Variants in ABCC6 observed in about 807,000 individuals in gnomAD.
ABCC6 encodes the protein ATP binding cassette subfamily C member 6.
ABCC6 carries 126 observed loss-of-function variants against 169.5 expected under a neutral mutation model. The observed-to-expected ratio is 0.74, with a 90% CI of 0.64 to 0.86. The LOEUF is 0.86. Ranked by LOEUF, ABCC6 falls within the 40% of genes least tolerant of loss-of-function variation. The pLI, the probability that ABCC6 is intolerant of heterozygous loss-of-function variation, is 0.00. For missense variants in ABCC6, 1,733 were observed against 1,927.2 expected (o/e 0.90, Z 1.89); for synonymous variants, 752 against 814.7 (o/e 0.92, Z 1.31).
intron 21 of ABCC6, among the ~76,000 whole-genome samples, chr16:16,171,021 G>A (rs746318687): frequency 3.3e-5 from 5 of 150,822 alleles, no homozygotes; most frequent in South Asian, 2.1e-4. Context: ...CAGCCTCATG[G>A]GACCCCTTTC....
In ABCC6 at chr16:16,165,886, G is replaced by A. The variant is rs756768329; in HGVS notation, c.3043C>T (p.Arg1015Trp). The change falls in exon 23 of 31, where the codon CGG becomes TGG. Residue 1015 changes from arginine to tryptophan, a missense_variant. Transcript: ENST00000205557. ...CTCTGGAAGAGCAACCTGGATGCCC[G>A]GGCCCCACCTAGGAGCACCGCAGCC... ...SMAAVLLGGARASRLLFQRLL... is the reference protein window; with the variant it reads ...SMAAVLLGGAWASRLLFQRLL... 38 of 1,613,022 alleles carry A rather than the reference G, an allele frequency of 2.4e-5. No homozygotes were observed. Among genetic ancestry groups the A allele is most frequent in the African/African-American group, 6.7e-5 (5 of 74,904 alleles).
Position 16,159,477 on chromosome 16 carries a change from A to T in ABCC6, c.3735+5T>A. ...GGGACCCCCTCCCCACCTCCCGCCCATCACCTCCTTGGGCGTCCAGGCATA... is the reference window on the plus strand; with the variant it reads ...GGGACCCCCTCCCCACCTCCCGCCCTTCACCTCCTTGGGCGTCCAGGCATA... On this transcript the variant is annotated splice_donor_5th_base_variant and intron_variant, in intron 26 of 30. Coordinates refer to ENST00000205557, the MANE Select transcript of ABCC6 (RefSeq NM_001171.6). 6.3e-7 allele frequency: 1 copy of T among 1,587,184 alleles called. No homozygotes were observed.
chr16:16,214,162 G>A (rs2048759274), intron 5 of ABCC6, among the ~76,000 whole-genome samples, 162 bp downstream of exon 5: 1 of 152,186 alleles, frequency 6.6e-6, no homozygotes, highest in African/African-American at 2.4e-5. Context: ...ATTTTCTCTT[G>A]GCCCATATAG....
At position 16,157,795 on chromosome 16, in the gene ABCC6, C is replaced by T; in HGVS notation, c.3750G>A (p.Leu1250=). Residue 1250 remains leucine (L), a synonymous_variant, in exon 27 of 31, where the codon CTG becomes CTA. Coordinates refer to ENST00000205557, the MANE Select transcript of ABCC6 (RefSeq NM_001171.6). ...AWTPKEAPWR[L]PTCAAQPPWP... ...AGGGGGGCTGAGCTGCACATGTGGG[C>T]AGCCTCCAGGGAGCCTGGAGCAGGA... The T allele has an allele frequency of 6.2e-7, 1 of 1,612,118 alleles. No homozygotes were observed. The highest frequency in any genetic ancestry group is 8.5e-7 in the Non-Finnish European group (1 of 1,179,908).
rs578219628 is a variant in ABCC6 at position 16,208,116 on chromosome 16, AC to A, written c.794+611del. ...GTGTTGAGTCACCTCCCAACCCTCC[AC>A]CCCGGCCTTAAAATACCTCTTCTGT... is the stretch of plus-strand genomic sequence containing the variant. On this transcript the variant is annotated intron_variant, in intron 7 of 30. Coordinates refer to ENST00000205557, the MANE Select transcript of ABCC6 (RefSeq NM_001171.6). Among the ~76,000 whole-genome samples the A allele has an allele frequency of 3.9e-3, 586 of 151,932 alleles. 3 individuals carry two copies. The highest frequency in any genetic ancestry group is 0.013 in the African/African-American group (554 of 41,424).
At chr16:16,213,420 T>C (rs1195280458) in intron 5 of ABCC6, among the ~76,000 whole-genome samples, 5 of 152,136 alleles carry the variant, frequency 3.3e-5, no homozygotes, top group Admixed American at 2.6e-4. Flanking sequence ...GTTTATATGA[T>C]GTCAGATCAG....
chr16:16,212,418 C>T (rs544369324), intron 5 of ABCC6, among the ~76,000 whole-genome samples, 172 bp from the exon 6 acceptor site: 2 of 149,776 alleles, frequency 1.3e-5, no homozygotes, highest in Admixed American at 6.6e-5. Flanking sequence ...AAGCGATTCT[C>T]CTGCCTCAGC....
At chr16:16,193,606 C>CG (rs2047938133) in intron 10 of ABCC6, among the ~76,000 whole-genome samples, 1 of 152,062 alleles carries the variant, frequency 6.6e-6, no homozygotes, top group South Asian at 2.1e-4. Context: ...CCCAGCTACT[C>CG]GAGAGGCTGA....
At position 16,169,869 on chromosome 16, in the gene ABCC6, G is replaced by C; in HGVS notation, c.2788-16C>G. 6.4e-7 allele frequency: 1 copy of C among 1,550,420 alleles called. No individual in the cohort carries two copies. The highest frequency in any genetic ancestry group is 8.7e-7 in the Non-Finnish European group (1 of 1,147,090). On this transcript the variant is annotated splice_polypyrimidine_tract_variant and intron_variant, in intron 21 of 30. Transcript: ENST00000205557. The stretch of plus-strand genomic sequence containing the variant: ...TGGCCTTCACCTGTAGCACACATGA[G>C]GGAGAGGGAGGCAGAGAGAGCCCCC...
intron 21 of ABCC6, among the ~76,000 whole-genome samples, chr16:16,170,370 G>T (rs2047021677): frequency 6.6e-6 from 1 of 152,092 alleles, no homozygotes; most frequent in Non-Finnish European, 1.5e-5. Flanking sequence ...AAAGTGCTTG[G>T]ATTACAGGTG....
intron 6 of ABCC6, among the ~76,000 whole-genome samples, chr16:16,210,915 G>A: frequency 6.6e-6 from 1 of 152,164 alleles, no homozygotes; most frequent in South Asian, 2.1e-4. Context: ...CCAACGTGGT[G>A]AAACCCGGTC....
chr16:16,182,012 C>G, intron 17 of ABCC6: 1 of 293,214 alleles, frequency 3.4e-6, no homozygotes, highest in Non-Finnish European at 6.6e-6. Context: ...CCTGCCCAAT[C>G]CATAGCTCCA....
chr16:16,168,001 G>A (rs550183419), intron 22 of ABCC6, among the ~76,000 whole-genome samples: 3 of 152,260 alleles, frequency 2.0e-5, no homozygotes, highest in East Asian at 3.9e-4. Flanking sequence ...GTAACCATTC[G>A]CCTTGAGTAT....
rs375136170 is a variant in ABCC6, at chr16:16,177,664, C to T, written c.2416-38G>A. The T allele has an allele frequency of 3.7e-5, 59 of 1,611,176 alleles. 1 individual carries two copies. The highest frequency in any genetic ancestry group is 1.1e-4 in the South Asian group (10 of 91,038). ...GGGGTAGAAGTTACACACATGTGGC[C>T]GGGTGCAGTGGCTCATGCCTGTAAT... is the stretch of plus-strand genomic sequence containing the variant. On this transcript the variant is annotated intron_variant, in intron 18 of 30. Coordinates refer to ENST00000205557, the MANE Select transcript of ABCC6 (RefSeq NM_001171.6).
chr16:16,193,040 T>C (rs2047917316), intron 10 of ABCC6, 118 bp from the exon 11 acceptor site: 1 of 809,442 alleles, frequency 1.2e-6, no homozygotes, highest in African/African-American at 1.7e-5. Context: ...TGAGACCTAC[T>C]GGGCTGCATT....
chr16:16,182,946 G>A lies in ABCC6; in HGVS notation c.1944-16C>T. 1.2e-6 allele frequency: 2 copies of A among 1,614,156 alleles called. No homozygotes were observed. Among genetic ancestry groups the A allele is most frequent in the Non-Finnish European group, 1.7e-6 (2 of 1,180,012 alleles). On this transcript the variant is annotated splice_polypyrimidine_tract_variant and intron_variant, in intron 15 of 30. Transcript: ENST00000205557. ...GAGGTTTATTCTGGACACGCAAGAGGGGAGACATGACCTTGGTTAGGGTTC... is the reference window on the plus strand; with the variant it reads ...GAGGTTTATTCTGGACACGCAAGAGAGGAGACATGACCTTGGTTAGGGTTC...
Position 16,172,169 on chromosome 16 carries a change from G to A in ABCC6, c.2787+1115C>T, listed in dbSNP as rs71390538. On this transcript the variant is annotated intron_variant, in intron 21 of 30. Transcript: ENST00000205557. ...AATGAGTGAGTGGGATGGATAAATG[G>A]GTGGGTGGGATGGATAAATGAGTGG... Among the ~76,000 whole-genome samples, 149 of 62,248 alleles carry A rather than the reference G, an allele frequency of 2.4e-3. 4 individuals are homozygous for A. The highest frequency in any genetic ancestry group is 7.0e-3 in the African/African-American group (112 of 16,022). The allele number at this position is 62,248 out of a possible 152,430, so 40.8% of individuals were successfully genotyped here. A position where few individuals can be genotyped will look rare whatever the true frequency, so the allele number is the denominator to read the frequency against.
intron 24 of ABCC6, among the ~76,000 whole-genome samples, chr16:16,162,321 C>T (rs1311665489): frequency 2.0e-5 from 3 of 152,188 alleles, no homozygotes; most frequent in Non-Finnish European, 2.9e-5. Context: ...TGGTACCAGA[C>T]TGCTTGGATT....
intron 27 of ABCC6, 125 bp downstream of exon 27, chr16:16,157,538 C>T: frequency 5.4e-6 from 7 of 1,289,306 alleles, no homozygotes; most frequent in Non-Finnish European, 7.7e-6. Context: ...GGTAATGGGT[C>T]TGAAAGCTAG....
Sources: allele counts gnomAD v4.1 joint callset (sites outside exome capture counted in the v4.1 genomes callset), GRCh38; gene constraint gnomAD v4.1.1; transcripts MANE v1.5; gene names NCBI Gene and HGNC (gene_info 2026-07-23, HGNC 2026-07-21).